The following NDRG4 variants were observed in gnomAD, a reference collection of about 807,000 sequenced individuals.
NDRG4 encodes the protein NDRG family member 4, also known as protein NDRG4.
In NDRG4, 38 loss-of-function variants were observed where a neutral mutation model predicts 55.8. That is an observed-to-expected ratio of 0.68 (90% CI 0.53 to 0.89). The LOEUF (loss-of-function observed/expected upper bound fraction) is 0.89. Among genes scored for constraint, NDRG4 ranks in the 40% least tolerant of loss-of-function variants. The probability of loss-of-function intolerance (pLI) is 0.00; values close to 1 mark genes in which losing one functional copy is unlikely to be tolerated. For synonymous variants in NDRG4, 190 were observed against 182.7 expected, an observed-to-expected ratio of 1.04 and a Z score of -0.32; for missense variants, 455 against 468.6, an observed-to-expected ratio of 0.97 and a Z score of 0.27.
intron 1 of NDRG4, chr16:58,500,652 T>G (rs2036961974): frequency 2.1e-6 from 1 of 471,554 alleles, no homozygotes; most frequent in South Asian, 3.3e-5. Context: ...GCTTGGATGG[T>G]GTCTGCCTTG....
At chr16:58,487,877 C>T in intron 2 of NDRG4, 1 of 1,486,844 alleles carries the variant, frequency 6.7e-7, no homozygotes, top group Non-Finnish European at 9.0e-7. Context: ...CCTTTGAGGT[C>T]TTAGGGCCGA....
chr16:58,490,812 A>G (rs1261041925), intron 2 of NDRG4, among the ~76,000 whole-genome samples: 1 of 151,998 alleles, frequency 6.6e-6, no homozygotes, highest in Non-Finnish European at 1.5e-5. Flanking sequence ...CCCCATCTCT[A>G]CTAAAATTAT....
intron 1 of NDRG4, among the ~76,000 whole-genome samples, chr16:58,466,203 G>C (rs1159732802): frequency 2.6e-5 from 4 of 152,204 alleles, no homozygotes; most frequent in Non-Finnish European, 5.9e-5. Context: ...TCTTAGTAGA[G>C]ATGGGTTTCG....
chr16:58,497,339 G>GA (rs565949530), upstream of NDRG4, among the ~76,000 whole-genome samples: 4 of 150,610 alleles, frequency 2.7e-5, no homozygotes, highest in East Asian at 1.9e-4. Context: ...AGAAGAAGAA[G>GA]AAAAAAAAAG....
At position 58,511,416 on chromosome 16, in the gene NDRG4, CCA is replaced by C. The variant is rs1477031155; in HGVS notation, c.905-3_905-2del. 2 of 1,600,362 alleles carry C rather than the reference CCA, an allele frequency of 1.2e-6. No homozygotes were observed. The highest frequency in any genetic ancestry group is 1.7e-6 in the Non-Finnish European group (2 of 1,172,274). ...GTCCTCAGGCCCATCCTGTCTCTGT[CCA>C]CAGTGCCCTCAGCCAGCATGACCCG... On this transcript the variant is annotated splice_polypyrimidine_tract_variant and splice_region_variant and intron_variant, in intron 14 of 14. Coordinates refer to ENST00000570248, the MANE Select transcript of NDRG4 (RefSeq NM_001242835.2).
intron 1 of NDRG4, among the ~76,000 whole-genome samples, chr16:58,486,102 T>C (rs1377623063): frequency 6.6e-6 from 1 of 152,184 alleles, no homozygotes; most frequent in East Asian, 1.9e-4. Flanking sequence ...CCTGTTTCAG[T>C]GCACCTTCGC....
At chr16:58,507,613 TAGAG>T (rs2038214555) in intron 8 of NDRG4, 191 bp from the exon 9 acceptor site, 1 of 588,514 alleles carries the variant, frequency 1.7e-6, no homozygotes, top group Non-Finnish European at 3.0e-6. Flanking sequence ...CTGAGGGGGA[TAGAG>T]AGCAAAATTT....
chr16:58,469,153 G>T (rs926223450), intron 1 of NDRG4, among the ~76,000 whole-genome samples: 1 of 152,210 alleles, frequency 6.6e-6, no homozygotes, highest in African/African-American at 2.4e-5. Flanking sequence ...TTTAGTGTTT[G>T]TTGGCAGATG....
chr16:58,494,848 GAAAAGAA>G (rs2036215265), intron 2 of NDRG4: 1 of 537,268 alleles, frequency 1.9e-6, no homozygotes, highest in African/African-American at 3.0e-5. Context: ...AAAAAAAAAA[GAAAAGAA>G]AAGAGAAAAG....
chr16:58,503,294 A>G (rs910415872), intron 1 of NDRG4, among the ~76,000 whole-genome samples: 1 of 151,756 alleles, frequency 6.6e-6, no homozygotes, highest in African/African-American at 2.4e-5. Context: ...CATGCGCAAG[A>G]GCCTTAGAGT....
intron 1 of NDRG4, among the ~76,000 whole-genome samples, chr16:58,503,201 G>C (rs2037386955): frequency 6.6e-6 from 1 of 152,214 alleles, no homozygotes; most frequent in South Asian, 2.1e-4. Context: ...GGATGGGGAG[G>C]GGGGTCTGAC....
At chr16:58,514,260 T>C (rs1286717632), downstream of NDRG4, among the ~76,000 whole-genome samples, 2 of 152,262 alleles carry the variant, frequency 1.3e-5, no homozygotes, top group African/African-American at 4.8e-5. Flanking sequence ...AGATTACTCC[T>C]GGGCTACAGG....
At chr16:58,510,603 C>G in intron 13 of NDRG4, 42 bp from the exon 14 acceptor site, 2 of 1,515,464 alleles carry the variant, frequency 1.3e-6, no homozygotes, top group Non-Finnish European at 1.8e-6. Flanking sequence ...TGTTGTGTCT[C>G]CCCCATCCCC....
intron 5 of NDRG4, among the ~76,000 whole-genome samples, chr16:58,505,713 CTTTTTTTT>C (rs1028370131): frequency 1.8e-3 from 105 of 58,662 alleles, no homozygotes; most frequent in African/African-American, 6.9e-3. Flanking sequence ...GCTTCATTTT[CTTTTTTTT>C]TTTTTTTTTT....
intron 1 of NDRG4, among the ~76,000 whole-genome samples, chr16:58,480,227 T>G (rs1471794520): frequency 1.3e-5 from 2 of 152,182 alleles, no homozygotes; most frequent in African/African-American, 2.4e-5. Flanking sequence ...TTCAAGCAAT[T>G]CTCTTGCCTC....
At chr16:58,482,399 T>C (rs2034505166) in intron 1 of NDRG4, among the ~76,000 whole-genome samples, 1 of 152,184 alleles carries the variant, frequency 6.6e-6, no homozygotes, top group Non-Finnish European at 1.5e-5. Flanking sequence ...TCCTGAGCCC[T>C]CTAACTTCAC....
intron 2 of NDRG4, among the ~76,000 whole-genome samples, chr16:58,494,004 C>A (rs1012036866): frequency 6.6e-6 from 1 of 152,168 alleles, no homozygotes; most frequent in South Asian, 2.1e-4. Flanking sequence ...TTCCAGCCCC[C>A]GCTCCTCCCC....
chr16:58,511,331 C>A, intron 14 of NDRG4, 91 bp from the exon 15 acceptor site: 2 of 1,413,276 alleles, frequency 1.4e-6, no homozygotes, highest in South Asian at 1.4e-5. Flanking sequence ...AGGAACGGTT[C>A]GCTGGCCGCT....
intron 11 of NDRG4, 71 bp downstream of exon 11, chr16:58,509,080 G>C: frequency 6.2e-7 from 1 of 1,613,876 alleles, no homozygotes; most frequent in Non-Finnish European, 8.5e-7. Context: ...GTGTTTTCCT[G>C]GGGTCCCAGC....
Sources: allele counts gnomAD v4.1 joint callset (sites outside exome capture counted in the v4.1 genomes callset), GRCh38; gene constraint gnomAD v4.1.1; transcripts MANE v1.5; gene names NCBI Gene and HGNC (gene_info 2026-07-23, HGNC 2026-07-21).